Variants in RDX observed in about 807,000 individuals in gnomAD.
RDX encodes the protein radixin, also known as deafness, autosomal recessive 24.
A neutral mutation model predicts 83.7 loss-of-function variants in RDX; 32 were observed. The ratio of observed to expected loss-of-function variants is 0.38; its 90% confidence interval spans 0.29 to 0.51. The LOEUF is 0.51. RDX is among the 20% of genes least tolerant of loss of function. The pLI, the probability that RDX is intolerant of heterozygous loss-of-function variation, is 0.87. For missense variants in RDX, 600 were observed against 689.9 expected (o/e 0.87, Z 1.46); for synonymous variants, 229 against 222.7 (o/e 1.03, Z -0.25).
intron 12 of RDX, among the ~76,000 whole-genome samples, chr11:110,234,525 T>C (rs918262077): frequency 3.3e-5 from 5 of 152,222 alleles, no homozygotes; most frequent in Non-Finnish European, 7.4e-5. Context: ...TGGAAGAATA[T>C]GTACTAAGGT....
chr11:110,278,379 G>T (rs994134410), intron 2 of RDX, among the ~76,000 whole-genome samples: 1 of 152,036 alleles, frequency 6.6e-6, no homozygotes, highest in African/African-American at 2.4e-5. Context: ...CACTTTTATG[G>T]AGAACTGACA....
chr11:110,218,176 C>T (rs554422529), intron 14 of RDX, among the ~76,000 whole-genome samples: 1 of 152,274 alleles, frequency 6.6e-6, no homozygotes, highest in East Asian at 1.9e-4. Flanking sequence ...TGACAGAGGA[C>T]ACTGTTAGAG....
At chr11:110,198,880 A>C (rs1382645604) in intron 15 of RDX, among the ~76,000 whole-genome samples, 1 of 150,694 alleles carries the variant, frequency 6.6e-6, no homozygotes, top group Non-Finnish European at 1.5e-5. Context: ...CAGTGGTGCC[A>C]TCTCGGCTCA....
chr11:110,183,017 C>T (rs1031808790), intron 15 of RDX, among the ~76,000 whole-genome samples: 1 of 152,178 alleles, frequency 6.6e-6, no homozygotes, highest in Non-Finnish European at 1.5e-5. Context: ...TGCGACTCAT[C>T]CCAAACCAAT....
chr11:110,262,335 A>G (rs902481019), intron 5 of RDX, among the ~76,000 whole-genome samples: 1 of 152,228 alleles, frequency 6.6e-6, no homozygotes, highest in African/African-American at 2.4e-5. Context: ...CTATAATCCC[A>G]GCACTTTGGG....
chr11:110,195,047 G>A (rs1863175037), intron 15 of RDX, among the ~76,000 whole-genome samples: 2 of 152,164 alleles, frequency 1.3e-5, no homozygotes, highest in African/African-American at 4.8e-5. Context: ...CTGGAGCGCA[G>A]TGGTGCGATC....
intron 10 of RDX, among the ~76,000 whole-genome samples, chr11:110,243,732 T>A (rs994585798): frequency 6.6e-6 from 1 of 150,864 alleles, no homozygotes; most frequent in Non-Finnish European, 1.5e-5. Flanking sequence ...AAAAAAAAAA[T>A]ACATGCAATA....
intron 1 of RDX, among the ~76,000 whole-genome samples, chr11:110,289,645 G>C (rs539180953): frequency 6.6e-6 from 1 of 151,952 alleles, no homozygotes; most frequent in South Asian, 2.1e-4. Flanking sequence ...GACTGGGGGC[G>C]GTGGCTCACA....
At chr11:110,282,216 A>G (rs1242643544) in intron 1 of RDX, among the ~76,000 whole-genome samples, 1 of 152,128 alleles carries the variant, frequency 6.6e-6, no homozygotes, top group Non-Finnish European at 1.5e-5. Context: ...CTGCATCAAA[A>G]CTTTGGCCAT....
In RDX at chr11:110,272,614, G is replaced by A. The variant is rs193206883; in HGVS notation, c.18C>T (p.Asn6=). 4.0e-5 allele frequency: 64 copies of A among 1,605,642 alleles called. 1 individual carries two copies. Among genetic ancestry groups the A allele is most frequent in the Admixed American group, 3.0e-4 (18 of 59,820 alleles). MPKPI[N]VRVTTMDAEL... is the part of the protein sequence containing the mutation. ...CAGCATCCATTGTAGTTACTCTTACGTTGATCTGTAATAAAAATAAAAGGA... is the reference window on the plus strand; with the variant it reads ...CAGCATCCATTGTAGTTACTCTTACATTGATCTGTAATAAAAATAAAAGGA... The change falls in exon 3 of 14, where the codon AAC becomes AAT. Residue 6 remains asparagine (N), a synonymous_variant. Coordinates refer to ENST00000645495, the MANE Select transcript of RDX (RefSeq NM_002906.4).
chr11:110,215,930 G>A (rs1864035671), intron 14 of RDX, among the ~76,000 whole-genome samples: 1 of 152,188 alleles, frequency 6.6e-6, no homozygotes, highest in Admixed American at 6.5e-5. Flanking sequence ...TCAGGCAGAT[G>A]CAGCCATTTA....
intron 2 of RDX, among the ~76,000 whole-genome samples, chr11:110,273,520 T>C (rs1275757301): frequency 6.6e-6 from 1 of 151,900 alleles, no homozygotes; most frequent in Non-Finnish European, 1.5e-5. Context: ...CGCAAACCTA[T>C]ACTCCCACCT....
At position 110,189,243 on chromosome 11, in the gene RDX, T is replaced by TTAAAAAAAAAAAAAAAAAAAAAAAAAAAA. The variant is rs1491576666; in HGVS notation, c.*31+10337_*31+10338insTTTTTTTTTTTTTTTTTTTTTTTTTTTTA. Among the ~76,000 whole-genome samples the TTAAAAAAAAAAAAAAAAAAAAAAAAAAAA allele has an allele frequency of 3.4e-4, 12 of 35,594 alleles. 1 individual carries two copies. Among genetic ancestry groups the TTAAAAAAAAAAAAAAAAAAAAAAAAAAAA allele is most frequent in the Non-Finnish European group, 3.2e-4 (5 of 15,748 alleles). The allele number at this position is 35,594 out of a possible 152,430, so 23.4% of individuals were successfully genotyped here. ...AAACAAACTTTAAATGAACAACAGG[T>TTAAAAAAAAAAAAAAAAAAAAAAAAAAAA]AAAAAAAAAAAAAAAAAAAAAAAAA... On this transcript the variant is annotated intron_variant, in intron 15 of 15. Coordinates refer to the RDX transcript ENST00000528498.
chr11:110,257,627 A>G (rs1859596743), intron 7 of RDX, 140 bp downstream of exon 7: 2 of 842,924 alleles, frequency 2.4e-6, no homozygotes, highest in South Asian at 1.5e-5. Flanking sequence ...CTACAAGTCT[A>G]TGTGTCATTA....
chr11:110,203,577 C>T (rs1395389055), intron 14 of RDX, among the ~76,000 whole-genome samples: 1 of 151,506 alleles, frequency 6.6e-6, no homozygotes, highest in Non-Finnish European at 1.5e-5. Context: ...GGATGGATAC[C>T]CCATTTTCCA....
At position 110,237,916 on chromosome 11, in the gene RDX, C is replaced by T. The variant is rs1056672432; in HGVS notation, c.1091-264G>A. ...CCTCCCAAGTAGCTAGGACTACAGG[C>T]GCTATACCTCGTTTCCAACTTGGCA... On this transcript the variant is annotated intron_variant, in intron 10 of 13. Transcript: ENST00000645495. The T allele has an allele frequency of 6.8e-5, 27 of 396,980 alleles. No homozygotes were observed. In the East Asian group the frequency reaches 9.9e-4, roughly 15 times the overall value. 24.6% of individuals were successfully genotyped at this position (396,980 alleles called of 1,614,324 possible).
intron 14 of RDX, among the ~76,000 whole-genome samples, chr11:110,215,385 T>A (rs1238911425): frequency 6.7e-6 from 1 of 148,798 alleles, no homozygotes; most frequent in Non-Finnish European, 1.5e-5. Flanking sequence ...AATAAATAAA[T>A]AAATAAATAA....
intron 14 of RDX, among the ~76,000 whole-genome samples, chr11:110,206,162 C>A (rs1423580884): frequency 6.8e-6 from 1 of 147,254 alleles, no homozygotes; most frequent in Admixed American, 7.0e-5. Flanking sequence ...GAGGCTGCAG[C>A]AGGAGAATTG....
chr11:110,265,699 CTGA>C (rs1860010984), intron 3 of RDX, among the ~76,000 whole-genome samples: 1 of 152,036 alleles, frequency 6.6e-6, no homozygotes, highest in Non-Finnish European at 1.5e-5. Flanking sequence ...TACAATTTTG[CTGA>C]TGTTTTTTCC....
Sources: allele counts gnomAD v4.1 joint callset (sites outside exome capture counted in the v4.1 genomes callset), GRCh38; gene constraint gnomAD v4.1.1; transcripts MANE v1.5; gene names NCBI Gene and HGNC (gene_info 2026-07-23, HGNC 2026-07-21).